NUMA1: variants seen among roughly 807,000 people sequenced by gnomAD.
NUMA1 encodes the protein nuclear mitotic apparatus protein 1.
A neutral mutation model predicts 237.1 loss-of-function variants in NUMA1; 62 were observed. The ratio of observed to expected loss-of-function variants is 0.26; its 90% CI spans 0.21 to 0.32. NUMA1 has a LOEUF of 0.32. NUMA1 is among the 10% of genes least tolerant of loss of function. The pLI, the probability that NUMA1 is intolerant of heterozygous loss-of-function variation, is 1.00. For missense variants in NUMA1, 2,533 were observed against 2,666.5 expected (o/e 0.95, Z 1.10); for synonymous variants, 1,028 against 1,066.1 (o/e 0.96, Z 0.70).
chr11:72,026,882 G>A (rs1939657786), intron 4 of NUMA1, among the ~76,000 whole-genome samples: 1 of 152,186 alleles, frequency 6.6e-6, no homozygotes, highest in African/African-American at 2.4e-5. Flanking sequence ...GGTCTGCATT[G>A]TCCTGGATCT....
rs746636794 is a variant in NUMA1 at position 72,015,144 on chromosome 11, G to A, written c.2359C>T (p.Arg787Trp). 2.5e-6 allele frequency: 4 copies of A among 1,613,332 alleles called. No homozygotes were observed. The highest frequency in any genetic ancestry group is 3.4e-6 in the Non-Finnish European group (4 of 1,180,044). Residue 787 changes from arginine (R) to tryptophan (W), a missense_variant, in exon 15 of 27, where the codon CGG becomes TGG. Arg to Trp is a moderately radical substitution (Grantham distance 101). Transcript: ENST00000393695. This position sits in a 1 kb window ranked among gnomAD's most constrained non-coding sequence, Gnocchi z 4.0. ...GCAGCCATGGCCTCTGCCAGCTCCC[G>A]CCGCAGGACTTCAGTCTCAGCCTGA... ...AHQAETEVLR[R>W]ELAEAMAAQH...
At position 72,013,287 on chromosome 11, in the gene NUMA1, G is replaced by A. The variant is rs1956271654; in HGVS notation, c.4216C>T (p.Leu1406Phe). The A allele has an allele frequency of 6.2e-7, 1 of 1,604,124 alleles. No individual in the cohort carries two copies. The highest frequency in any genetic ancestry group is 1.3e-5 in the African/African-American group (1 of 74,902). ...TGCCGCAGAGGAATCAGCTCCCCAA[G>A]CTCCCGCTGGGCCCGCAGCAGCTCT... ...RAELLRAQRE[L>F]GELIPLRQKV... is the part of the protein sequence containing the mutation. Residue 1406 changes from leucine (L) to phenylalanine (F), a missense_variant, in exon 15 of 27, where the codon CTT (leucine) becomes TTT (phenylalanine). Coordinates refer to ENST00000393695, the MANE Select transcript of NUMA1 (RefSeq NM_006185.4). The surrounding 1 kb of genome is among the most constrained non-coding windows in gnomAD (Gnocchi z 6.8).
At chr11:72,052,164 C>T (rs1418123672) in intron 2 of NUMA1, among the ~76,000 whole-genome samples, 4 of 151,834 alleles carry the variant, frequency 2.6e-5, no homozygotes, top group East Asian at 1.9e-4. Context: ...CATATAGGGG[C>T]GTGGGAAAGG....
chr11:72,071,199 C>A (rs1169837072), intron 1 of NUMA1, among the ~76,000 whole-genome samples: 1 of 152,236 alleles, frequency 6.6e-6, no homozygotes, highest in East Asian at 1.9e-4. Flanking sequence ...GTATTTCATT[C>A]CTAGTTATCC....
Position 72,012,399 on chromosome 11 carries a change from ACCT to A in NUMA1, c.4649_4650+1del, listed in dbSNP as rs771498775. On this transcript the variant is annotated splice_donor_variant and coding_sequence_variant, in exon 16 of 27. Transcript: ENST00000393695. LOFTEE classifies it high-confidence loss of function. ...GCATTTAGCGAGGACCTCAGGCATT[ACCT>A]GCTTAGTTTGCTCTCTCTGAAATAC... is the stretch of plus-strand genomic sequence containing the variant. 3.2e-5 allele frequency: 52 copies of A among 1,612,826 alleles called. No individual in the cohort carries two copies. Among genetic ancestry groups the A allele is most frequent in the Non-Finnish European group, 4.3e-5 (51 of 1,179,490 alleles).
At chr11:72,061,318 T>C (rs1942924611) in intron 2 of NUMA1, among the ~76,000 whole-genome samples, 2 of 152,154 alleles carry the variant, frequency 1.3e-5, no homozygotes, top group Admixed American at 1.3e-4. Flanking sequence ...TATGTTACAG[T>C]GTGTGGCTCA....
chr11:72,063,415 A>G (rs1312194731), intron 2 of NUMA1, among the ~76,000 whole-genome samples: 3 of 151,598 alleles, frequency 2.0e-5, no homozygotes, highest in Admixed American at 6.6e-5. Context: ...AAAAATGTTC[A>G]TATTTGGCTG....
chr11:72,024,620 G>A (rs1332364040), intron 4 of NUMA1: 1 of 466,970 alleles, frequency 2.1e-6, no homozygotes, highest in Non-Finnish European at 3.9e-6. Context: ...ACATAAAAAA[G>A]CTCTGTGGAA....
chr11:72,052,316 C>T (rs1040830034), intron 2 of NUMA1, among the ~76,000 whole-genome samples: 4 of 152,088 alleles, frequency 2.6e-5, no homozygotes, highest in Non-Finnish European at 5.9e-5. Context: ...GAGGAAGTGA[C>T]ATTTAAGCTA....
chr11:72,053,494 C>T (rs1942476334), intron 2 of NUMA1, among the ~76,000 whole-genome samples: 1 of 152,112 alleles, frequency 6.6e-6, no homozygotes, highest in Admixed American at 6.6e-5. Context: ...TTAAATGTAA[C>T]CTTTATATAG....
At chr11:72,011,107 C>T (rs539106581) in intron 16 of NUMA1, among the ~76,000 whole-genome samples, 35 of 152,214 alleles carry the variant, frequency 2.3e-4, no homozygotes, top group Non-Finnish European at 4.3e-4. Flanking sequence ...CCTGCAGAGA[C>T]AGAGGCCTGC....
At position 72,009,001 on chromosome 11, in the gene NUMA1, T is replaced by TGGC. The variant is rs760464111; in HGVS notation, c.5021_5023dup (p.Arg1674dup). ...CAGGCTGCGCACCTGGGCAGTAAGG[T>TGGC]GGCGGCAGGTCTGTTCAGCCTCCTT... is the stretch of plus-strand genomic sequence containing the variant. On this transcript the variant is annotated inframe_insertion, in exon 19 of 27. Transcript: ENST00000393695. 4 of 1,613,868 alleles carry TGGC rather than the reference T, an allele frequency of 2.5e-6. No homozygotes were observed. The East Asian group carries it at 8.9e-5, about 36-fold the overall frequency.
intron 22 of NUMA1, 25 bp downstream of exon 22, chr11:72,006,010 T>C (rs756346755): frequency 4.8e-5 from 74 of 1,555,192 alleles, no homozygotes; most frequent in Non-Finnish European, 6.0e-5. Context: ...TTTTGGGGTA[T>C]AGTAAGTCCC....
chr11:72,018,093 T>C, intron 12 of NUMA1, 90 bp downstream of exon 12: 1 of 1,054,104 alleles, frequency 9.5e-7, no homozygotes, highest in Non-Finnish European at 1.5e-6. Context: ...AGACAGGTGC[T>C]GGGACATTCT....
chr11:72,015,088 C>G lies in NUMA1; in HGVS notation c.2415G>C (p.Gln805His). ...AQHTAESECE[Q>H]LVKEVAAWRE... Reference sequence around the variant, plus strand: ...GCCAGGCAGCTACTTCTTTGACGAGCTGCTCACACTCACTCTCAGCTGTGT... The same window carrying G: ...GCCAGGCAGCTACTTCTTTGACGAGGTGCTCACACTCACTCTCAGCTGTGT... Residue 805 changes from glutamine (Q) to histidine (H), a missense_variant, in exon 15 of 27, where the codon CAG becomes CAC. Gln to His is a conservative substitution (Grantham distance 24). This residue lies in a region of NUMA1 where 1,414 missense variants were observed against 1,508.1 expected (regional missense o/e 0.94). Transcript: ENST00000393695. This position sits in a 1 kb window ranked among gnomAD's most constrained non-coding sequence, Gnocchi z 4.0. 1 of 1,613,948 alleles carries G rather than the reference C, an allele frequency of 6.2e-7. No homozygotes were observed. Among genetic ancestry groups the G allele is most frequent in the South Asian group, 1.1e-5 (1 of 91,088 alleles).
At chr11:72,061,134 G>T (rs770463357) in intron 2 of NUMA1, among the ~76,000 whole-genome samples, 6 of 152,236 alleles carry the variant, frequency 3.9e-5, no homozygotes, top group Non-Finnish European at 2.9e-5. Flanking sequence ...CTACTTGGGA[G>T]GCTGAGGCAG....
chr11:72,018,992 G>A lies in NUMA1; in HGVS notation c.585-12C>T, dbSNP rs1428414557. 1 of 1,613,450 alleles carries A rather than the reference G, an allele frequency of 6.2e-7. No individual in the cohort carries two copies. Among genetic ancestry groups the A allele is most frequent in the Non-Finnish European group, 8.5e-7 (1 of 1,179,914 alleles). ...AACCTGAGAGAAAGCTGAGGAGGGA[G>A]AAGGCCCATATGCATTGGTAAGCGC... On this transcript the variant is annotated splice_polypyrimidine_tract_variant and intron_variant, in intron 9 of 26. Coordinates refer to ENST00000393695, the MANE Select transcript of NUMA1 (RefSeq NM_006185.4).
At chr11:72,023,510 C>A (rs1939170099) in intron 5 of NUMA1, among the ~76,000 whole-genome samples, 1 of 152,178 alleles carries the variant, frequency 6.6e-6, no homozygotes, top group Non-Finnish European at 1.5e-5. Flanking sequence ...ACAGAGTAAA[C>A]CTATAGCTGA....
At chr11:72,021,085 G>T in intron 8 of NUMA1, 119 bp downstream of exon 8, 1 of 776,966 alleles carries the variant, frequency 1.3e-6, no homozygotes. Context: ...CTTTTCCTGA[G>T]CATCAACTCT....
Sources: allele counts gnomAD v4.1 joint callset (sites outside exome capture counted in the v4.1 genomes callset), GRCh38; gene constraint gnomAD v4.1.1; regional missense constraint gnomAD v4.1.1; non-coding constraint Gnocchi (gnomAD v3.1); transcripts MANE v1.5; gene names NCBI Gene and HGNC (gene_info 2026-07-23, HGNC 2026-07-21).